MGAT4C: variants seen among roughly 807,000 people sequenced by gnomAD.
The protein encoded by MGAT4C is alpha-1,3-mannosyl-glycoprotein 4-beta-N-acetylglucosaminyltransferase C.
In MGAT4C, 19 loss-of-function variants were observed where a neutral mutation model predicts 40.1. The observed-to-expected ratio is 0.47, with a 90% CI of 0.33 to 0.70. The LOEUF (loss-of-function observed/expected upper bound fraction) is 0.70. Ranked by LOEUF, MGAT4C falls within the 30% of genes least tolerant of loss-of-function variation. The probability of loss-of-function intolerance (pLI) is 0.02; values close to 1 mark genes in which losing one functional copy is unlikely to be tolerated. For synonymous variants in MGAT4C, 181 were observed against 187.1 expected, an observed-to-expected ratio of 0.97 and a Z score of 0.27; for missense variants, 491 against 563.2, an observed-to-expected ratio of 0.87 and a Z score of 1.30.
intron 1 of MGAT4C, among the ~76,000 whole-genome samples, chr12:86,765,456 A>C (rs1373812189): frequency 6.6e-6 from 1 of 152,234 alleles, no homozygotes; most frequent in African/African-American, 2.4e-5. Flanking sequence ...GATATTATCC[A>C]GGAGAAATTC....
intron 1 of MGAT4C, among the ~76,000 whole-genome samples, chr12:86,250,758 A>G (rs1952240905): frequency 6.6e-6 from 1 of 152,100 alleles, no homozygotes; most frequent in Non-Finnish European, 1.5e-5. Context: ...TTCATTTTTT[A>G]TCTTACAATA....
intron 1 of MGAT4C, among the ~76,000 whole-genome samples, chr12:86,815,545 A>G (rs1171998213): frequency 1.3e-5 from 2 of 151,726 alleles, no homozygotes; most frequent in Admixed American, 6.6e-5. Flanking sequence ...AAATACATGT[A>G]CACACATGCT....
chr12:86,646,170 G>A (rs1963538742), intron 2 of MGAT4C, among the ~76,000 whole-genome samples: 1 of 151,758 alleles, frequency 6.6e-6, no homozygotes, highest in South Asian at 2.1e-4. Context: ...AAAAAAGTGA[G>A]GATGGGCAAC....
At chr12:86,721,959 T>A (rs1256500125) in intron 2 of MGAT4C, among the ~76,000 whole-genome samples, 2 of 152,124 alleles carry the variant, frequency 1.3e-5, no homozygotes, top group Non-Finnish European at 2.9e-5. Flanking sequence ...CATTCAATGA[T>A]AGAACTGTGG....
intron 1 of MGAT4C, among the ~76,000 whole-genome samples, chr12:86,091,177 G>A: frequency 6.6e-6 from 1 of 151,770 alleles, no homozygotes; most frequent in East Asian, 1.9e-4. Flanking sequence ...ATGTTGCCTT[G>A]GACATTTCTT....
chr12:86,664,104 CTG>C (rs780745557), intron 2 of MGAT4C, among the ~76,000 whole-genome samples: 10 of 151,612 alleles, frequency 6.6e-5, no homozygotes, highest in Non-Finnish European at 1.3e-4. Context: ...ATTCTGAACA[CTG>C]TTTATCATCT....
chr12:86,833,414 A>G lies in MGAT4C; in HGVS notation c.-262+5252T>C, dbSNP rs149370572. On this transcript the variant is annotated intron_variant, in intron 1 of 7. Coordinates refer to the MGAT4C transcript ENST00000548651. ...TACTACAGACTGGGTGGCTTAAATAACAGAAGTTTATTTTCTTACAATTGA... is the reference window on the plus strand; with the variant it reads ...TACTACAGACTGGGTGGCTTAAATAGCAGAAGTTTATTTTCTTACAATTGA... Among the ~76,000 whole-genome samples, 1,270 of 151,992 alleles carry G rather than the reference A, an allele frequency of 8.4e-3. 13 individuals are homozygous for G. The highest frequency in any genetic ancestry group is 0.029 in the African/African-American group (1,201 of 41,496).
intron 1 of MGAT4C, among the ~76,000 whole-genome samples, chr12:86,808,378 C>T (rs535770433): frequency 6.6e-5 from 10 of 152,154 alleles, no homozygotes; most frequent in Middle Eastern, 6.8e-3. Context: ...TAAAAATTCT[C>T]AATAAAATAC....
At chr12:86,763,930 G>A (rs1345675475) in intron 1 of MGAT4C, among the ~76,000 whole-genome samples, 1 of 152,158 alleles carries the variant, frequency 6.6e-6, no homozygotes, top group Non-Finnish European at 1.5e-5. Flanking sequence ...CTCCCAGCAT[G>A]AGCAACGCAG....
intron 1 of MGAT4C, among the ~76,000 whole-genome samples, chr12:86,191,727 G>A (rs1889503627): frequency 7.9e-6 from 1 of 127,280 alleles, no homozygotes; most frequent in African/African-American, 2.9e-5. Context: ...CTACTTATGG[G>A]TTAAGTTTGC....
intron 4 of MGAT4C, among the ~76,000 whole-genome samples, chr12:86,318,556 T>C (rs998867573): frequency 1.3e-5 from 2 of 152,202 alleles, no homozygotes; most frequent in Non-Finnish European, 2.9e-5. Flanking sequence ...TTCCTTAAAA[T>C]ATTATGTCTT....
At chr12:86,340,029 A>G (rs1026479401) in intron 3 of MGAT4C, among the ~76,000 whole-genome samples, 1 of 152,170 alleles carries the variant, frequency 6.6e-6, no homozygotes, top group Non-Finnish European at 1.5e-5. Flanking sequence ...CCATTTGAAC[A>G]TTGAATATAT....
chr12:86,014,339 C>A (rs897386929), intron 2 of MGAT4C, among the ~76,000 whole-genome samples: 1 of 152,072 alleles, frequency 6.6e-6, no homozygotes, highest in Non-Finnish European at 1.5e-5. Context: ...ATCCCTAAAC[C>A]AGAAGTGGGA....
chr12:86,457,353 C>T (rs1227132277), intron 2 of MGAT4C, among the ~76,000 whole-genome samples: 1 of 151,874 alleles, frequency 6.6e-6, no homozygotes, highest in Non-Finnish European at 1.5e-5. Context: ...AAATTAATAC[C>T]CAATCCTATT....
chr12:86,781,544 T>C (rs1951840808), intron 1 of MGAT4C, among the ~76,000 whole-genome samples: 1 of 152,138 alleles, frequency 6.6e-6, no homozygotes, highest in Admixed American at 6.5e-5. Flanking sequence ...TGAAGCTAAT[T>C]TGAGTAAATG....
At chr12:86,744,550 T>C (rs1353609753) in intron 1 of MGAT4C, among the ~76,000 whole-genome samples, 1 of 151,500 alleles carries the variant, frequency 6.6e-6, no homozygotes, top group African/African-American at 2.4e-5. Flanking sequence ...ATTGGTTTAA[T>C]GGATTGAAGC....
intron 1 of MGAT4C, among the ~76,000 whole-genome samples, chr12:86,245,980 A>G (rs577397911): frequency 6.6e-6 from 1 of 152,292 alleles, no homozygotes; most frequent in Non-Finnish European, 1.5e-5. Flanking sequence ...AAATTAAAAT[A>G]ATTTGTATAT....
intron 2 of MGAT4C, among the ~76,000 whole-genome samples, chr12:86,504,966 T>C (rs1958445340): frequency 6.6e-6 from 1 of 152,096 alleles, no homozygotes; most frequent in South Asian, 2.1e-4. Context: ...TTTTATTAAT[T>C]AGTTAAAGGA....
intron 1 of MGAT4C, among the ~76,000 whole-genome samples, chr12:86,248,194 T>TCTTCCTTCCTTCCTTCCTTC (rs71076174): frequency 3.4e-4 from 48 of 140,318 alleles, no homozygotes; most frequent in Admixed American, 2.6e-3. Flanking sequence ...ACCTAGTTTC[T>TCTTCCTTCCTTCCTTCCTTC]CTTCCTTCCT....
Sources: gnomAD v4.1 joint callset for allele counts (sites outside exome capture counted in the v4.1 genomes callset) on GRCh38, gnomAD v4.1.1 for gene constraint, MANE v1.5 for transcripts, NCBI Gene and HGNC (gene_info 2026-07-23, HGNC 2026-07-21) for gene names.